WDR90: variants seen among roughly 807,000 people sequenced by gnomAD.
WDR90 encodes the protein WD repeat-containing protein 90.
Under a neutral mutation model 195.2 loss-of-function variants are expected in WDR90, and 238 were observed. The ratio of observed to expected loss-of-function variants is 1.22; its 90% confidence interval spans 1.10 to 1.36. The LOEUF (loss-of-function observed/expected upper bound fraction) is 1.36. WDR90 is among the 40% of genes most tolerant of loss of function. WDR90 has a pLI of 0.00. For synonymous variants in WDR90, 1,265 were observed against 1,052.4 expected (o/e 1.20, Z -3.91); for missense variants, 2,734 against 2,439.5 (o/e 1.12, Z -2.54).
chr16:652,348 C>A, intron 9 of WDR90, 119 bp from the exon 10 acceptor site: 2 of 1,219,102 alleles, frequency 1.6e-6, no homozygotes, highest in Non-Finnish European at 2.3e-6. Context: ...CCACCCAGGA[C>A]CAGGGCAGTC....
At chr16:652,398 C>T (rs925424131) in intron 9 of WDR90, 69 bp from the exon 10 acceptor site, 15 of 1,523,586 alleles carry the variant, frequency 9.8e-6, no homozygotes, top group East Asian at 6.9e-5. Flanking sequence ...TGGCGGGGCT[C>T]GGAGTTGGTC....
rs1459889590 is a variant in WDR90 at position 653,455 on chromosome 16, G to A, written c.1233+4G>A. On this transcript the variant is annotated splice_donor_region_variant and intron_variant, in intron 11 of 40. Transcript: ENST00000293879. ...CTTCCTTGGCCACACAGACAAGGTGGGTGCTGCCCGGGCCTGGGGCAGCTC... is the reference window on the plus strand; with the variant it reads ...CTTCCTTGGCCACACAGACAAGGTGAGTGCTGCCCGGGCCTGGGGCAGCTC... The A allele has an allele frequency of 1.1e-5, 17 of 1,612,248 alleles. 1 individual carries two copies. Among genetic ancestry groups the A allele is most frequent in the Non-Finnish European group, 1.4e-5 (17 of 1,179,558 alleles).
chr16:663,591 G>A (rs373813731), intron 34 of WDR90: 3 of 170,126 alleles, frequency 1.8e-5, no homozygotes, highest in Non-Finnish European at 3.8e-5. Context: ...TCTGGGTCAG[G>A]TCTGTTCAGG....
chr16:663,604 C>T (rs2037962987), intron 34 of WDR90: 2 of 163,332 alleles, frequency 1.2e-5, no homozygotes, highest in South Asian at 1.6e-4. Context: ...TGTTCAGGTT[C>T]TGGTTGGTGT....
At position 667,455 on chromosome 16, in the gene WDR90, T is replaced by G. The variant is rs568014123; in HGVS notation, c.5113T>G (p.Cys1705Gly). Reference protein sequence around the residue: ...FAECMLRLVDCAMGTAQDFAG... With the variant: ...FAECMLRLVDGAMGTAQDFAG... ...AGAGTGCATGCTGAGGCTGGTAGACTGTGCCATGGGGACTGCCCAAGACTT... is the reference window on the plus strand; with the variant it reads ...AGAGTGCATGCTGAGGCTGGTAGACGGTGCCATGGGGACTGCCCAAGACTT... The change falls in exon 41 of 41, where the codon TGT becomes GGT. Residue 1705 changes from cysteine (C) to glycine (G), a missense_variant. Transcript: ENST00000293879. 6 of 1,603,962 alleles carry G rather than the reference T, an allele frequency of 3.7e-6. No individual in the cohort carries two copies. The South Asian group carries it at 6.6e-5, about 18-fold the overall frequency.
Position 661,652 on chromosome 16 carries a change from G to T in WDR90, c.3729G>T (p.Val1243=). 1 of 1,610,214 alleles carries T rather than the reference G, an allele frequency of 6.2e-7. No individual in the cohort carries two copies. The highest frequency in any genetic ancestry group is 1.7e-5 in the Admixed American group (1 of 59,738). The change falls in exon 31 of 41, where the codon GTG becomes GTT. Residue 1243 remains valine (V), a synonymous_variant. Coordinates refer to ENST00000293879, the MANE Select transcript of WDR90 (RefSeq NM_145294.5). The stretch of plus-strand genomic sequence containing the variant: ...GGGGCACGGCCACCTATGACCTCGT[G>T]TCCTCCACCCGCCTCCCGGAGCCGG... ...ALWGTATYDL[V]SSTRLPEPVH...
rs375955845 is a variant in WDR90 at position 660,086 on chromosome 16, C to T, written c.3213C>T (p.Ala1071=). The part of the protein sequence containing the change: ...DGARDTRNSG[A]PRTTYLASCK... ...CCAGGGACACCAGGAATTCGGGGGC[C>T]CCACGCACCACCTACCTGGCTTCCT... The change falls in exon 27 of 41, where the codon GCC becomes GCT. Residue 1071 remains alanine, a synonymous_variant. Transcript: ENST00000293879. 7 of 1,547,390 alleles carry T rather than the reference C, an allele frequency of 4.5e-6. No individual in the cohort carries two copies. The highest frequency in any genetic ancestry group is 4.1e-5 in the African/African-American group (3 of 73,362).
chr16:651,642 AG>A lies in WDR90; in HGVS notation c.737-1del. ...TCACTGGGGTTCTTTGCTCTGTTCTAGTCCTCCTGGGGCCGGGGCCACAGCC... is the reference window on the plus strand; with the variant it reads ...TCACTGGGGTTCTTTGCTCTGTTCTATCCTCCTGGGGCCGGGGCCACAGCC... On this transcript the variant is annotated splice_acceptor_variant, in intron 7 of 40. Coordinates refer to ENST00000293879, the MANE Select transcript of WDR90 (RefSeq NM_145294.5). LOFTEE classifies it high-confidence loss of function. 2 of 1,612,216 alleles carry A rather than the reference AG, an allele frequency of 1.2e-6. No individual in the cohort carries two copies. The highest frequency in any genetic ancestry group is 2.2e-5 in the South Asian group (2 of 91,082).
Position 661,700 on chromosome 16 carries a change from C to T in WDR90, c.3777C>T (p.Pro1259=), listed in dbSNP as rs1261156101. Reference sequence around the variant, plus strand: ...CGGTGCATGGTGTGGCCTTCAACCCCTGGGACGCCGGCGAGCTCACCTGTG... The same window carrying T: ...CGGTGCATGGTGTGGCCTTCAACCCTTGGGACGCCGGCGAGCTCACCTGTG... The part of the protein sequence containing the change: ...PEPVHGVAFN[P]WDAGELTCVG... Residue 1259 remains proline, a synonymous_variant, in exon 31 of 41, where the codon CCC becomes CCT. Coordinates refer to ENST00000293879, the MANE Select transcript of WDR90 (RefSeq NM_145294.5). 4 of 1,612,504 alleles carry T rather than the reference C, an allele frequency of 2.5e-6. No homozygotes were observed. The highest frequency in any genetic ancestry group is 3.4e-6 in the Non-Finnish European group (4 of 1,179,842).
intron 28 of WDR90, 47 bp from the exon 29 acceptor site, chr16:661,004 C>CG (rs2037892758): frequency 2.3e-5 from 2 of 87,630 alleles, no homozygotes; most frequent in Non-Finnish European, 1.7e-5. Context: ...CTCCCCGCCC[C>CG]CCCCCCCCCC....
chr16:649,668 C>T (rs1748878894), intron 1 of WDR90, 95 bp from the exon 2 acceptor site: 6 of 1,288,600 alleles, frequency 4.7e-6, no homozygotes, highest in Non-Finnish European at 6.1e-6. Flanking sequence ...CGGAGAGCCC[C>T]GGCTCCTGCC....
At chr16:665,896 G>C in intron 35 of WDR90, 54 bp from the exon 36 acceptor site, 1 of 1,559,490 alleles carries the variant, frequency 6.4e-7, no homozygotes, top group Admixed American at 1.8e-5. Context: ...TGGCCTGGGT[G>C]TGTGTCCTCA....
intron 17 of WDR90, 76 bp downstream of exon 17, chr16:655,965 G>C: frequency 6.8e-7 from 1 of 1,477,474 alleles, no homozygotes. Flanking sequence ...CCCAGTCCCC[G>C]GGGCTCTGCT....
At chr16:655,533 TC>T (rs2037733061) in intron 15 of WDR90, 39 bp from the exon 16 acceptor site, 1 of 1,551,772 alleles carries the variant, frequency 6.4e-7, no homozygotes. Flanking sequence ...GGCCTCCCCT[TC>T]CCTGAGGGCC....
Position 656,304 on chromosome 16 carries a change from C to A in WDR90, c.1969C>A (p.His657Asn), listed in dbSNP as rs752169289. ...CCCTGACCCCACCCCACCCACAGAG[C>A]ACGAGGGCCCCGTCAGCTCAGTCTG... Reference protein sequence around the residue: ...DFSSVLLEAEHEGPVSSVCVS... With the variant: ...DFSSVLLEAENEGPVSSVCVS... Residue 657 changes from histidine to asparagine, a missense_variant and splice_region_variant, in exon 18 of 41, where the codon CAC (histidine) becomes AAC (asparagine). Coordinates refer to ENST00000293879, the MANE Select transcript of WDR90 (RefSeq NM_145294.5). 3.1e-6 allele frequency: 5 copies of A among 1,605,438 alleles called. No individual in the cohort carries two copies. In the South Asian group the frequency reaches 5.5e-5, roughly 18 times the overall value.
chr16:658,555 T>A lies in WDR90; in HGVS notation c.2797T>A (p.Ser933Thr). The A allele has an allele frequency of 6.2e-7, 1 of 1,612,606 alleles. No homozygotes were observed. The highest frequency in any genetic ancestry group is 8.5e-7 in the Non-Finnish European group (1 of 1,179,838). Residue 933 changes from serine (S) to threonine (T), a missense_variant, in exon 23 of 41, where the codon TCC becomes ACC. Transcript: ENST00000293879. Reference sequence around the variant, plus strand: ...CGGTGTCCACCCTGAGCCCTGCCCCTCCTTGACGCTCAGTGAGGACGCCCG... The same window carrying A: ...CGGTGTCCACCCTGAGCCCTGCCCCACCTTGACGCTCAGTGAGGACGCCCG... ...LPGVHPEPCP[S>T]LTLSEDARFL...
Position 660,041 on chromosome 16 carries a change from T to G in WDR90, c.3185-17T>G. 1 of 1,533,298 alleles carries G rather than the reference T, an allele frequency of 6.5e-7. No homozygotes were observed. Among genetic ancestry groups the G allele is most frequent in the African/African-American group, 1.4e-5 (1 of 73,058 alleles). The allele number at this position is 1,533,298 out of a possible 1,614,324, so 95.0% of individuals were successfully genotyped here. On this transcript the variant is annotated splice_polypyrimidine_tract_variant and intron_variant, in intron 26 of 40. Coordinates refer to ENST00000293879, the MANE Select transcript of WDR90 (RefSeq NM_145294.5). ...CAGGGCAGTGTAATGCCACAAGCTC[T>G]GCCTCCTCCCTGCCAGGCGCCAGGG...
rs754492795 is a variant in WDR90 at position 658,935 on chromosome 16, T to G, written c.2935T>G (p.Phe979Val). Residue 979 changes from phenylalanine to valine, a missense_variant, in exon 24 of 41, where the codon TTC becomes GTC. Transcript: ENST00000293879. ...CTCGGAACCCGTGCAGGCTGTGGCC[T>G]TCTCTCCTGACCAGCAGCAGGTCCT... The part of the protein sequence containing the change: ...GHSEPVQAVA[F>V]SPDQQQVLSA... 3 of 1,612,630 alleles carry G rather than the reference T, an allele frequency of 1.9e-6. No homozygotes were observed. Among genetic ancestry groups the G allele is most frequent in the Non-Finnish European group, 2.5e-6 (3 of 1,179,988 alleles).
rs2037754979 is a variant in WDR90 at position 656,401 on chromosome 16, C to G, written c.2066C>G (p.Ser689Cys). 1.9e-6 allele frequency: 3 copies of G among 1,608,062 alleles called. No homozygotes were observed. The highest frequency in any genetic ancestry group is 2.5e-6 in the Non-Finnish European group (3 of 1,179,274). Residue 689 changes from serine to cysteine, a missense_variant, in exon 18 of 41, where the codon TCC (serine) becomes TGC (cysteine). Physicochemically the swap from Ser to Cys is moderately radical, Grantham distance 112. Coordinates refer to ENST00000293879, the MANE Select transcript of WDR90 (RefSeq NM_145294.5). ...CACCTGGGCTTCCTGGACACGCTGT[C>G]CCGGGTGTACCACATGCTGGCTCGC... The part of the protein sequence containing the change: ...SGHLGFLDTL[S>C]RVYHMLARSH...
Sources: allele counts gnomAD v4.1 joint callset, GRCh38; gene constraint gnomAD v4.1.1; transcripts MANE v1.5; gene names NCBI Gene and HGNC (gene_info 2026-07-23, HGNC 2026-07-21).